The following HYAL4 variants were observed in gnomAD, a reference collection of about 807,000 sequenced individuals.
HYAL4 encodes hyaluronidase 4.
HYAL4 carries 37 observed loss-of-function variants against 35.2 expected under a neutral mutation model. That is an observed-to-expected ratio of 1.05 (90% CI 0.81 to 1.38). The LOEUF (loss-of-function observed/expected upper bound fraction) is 1.38, where lower values mean the gene tolerates loss of function less well. Ranked by LOEUF, HYAL4 falls within the 40% of genes most tolerant of loss-of-function variation. The pLI, the probability that HYAL4 is intolerant of heterozygous loss-of-function variation, is 0.00. For missense variants in HYAL4, 572 were observed against 572.4 expected, an observed-to-expected ratio of 1.00 and a Z score of 0.01; for synonymous variants, 198 against 203.2, an observed-to-expected ratio of 0.97 and a Z score of 0.22.
chr7:123,874,637 C>T (rs1169886239), intron 3 of HYAL4, 124 bp from the exon 4 acceptor site: 5 of 601,590 alleles, frequency 8.3e-6, no homozygotes, highest in South Asian at 2.0e-5. Context: ...AAACTCTTGA[C>T]CTCGTGATCT....
upstream of HYAL4, among the ~76,000 whole-genome samples, chr7:123,828,473 C>T (rs1057381992): frequency 6.4e-5 from 9 of 141,472 alleles, no homozygotes; most frequent in African/African-American, 1.3e-4. Context: ...CCTCTAAAAA[C>T]TTGGATGAGA....
At chr7:123,809,633 C>T in the HYAL4 span, among the ~76,000 whole-genome samples, 1 of 151,978 alleles carries the variant, frequency 6.6e-6, no homozygotes, top group Non-Finnish European at 1.5e-5. Flanking sequence ...TCCTGGCCTC[C>T]AGTGTTCTGC....
chr7:123,797,968 G>A, the HYAL4 span, among the ~76,000 whole-genome samples: 1 of 152,072 alleles, frequency 6.6e-6, no homozygotes, highest in Non-Finnish European at 1.5e-5. Flanking sequence ...CACAATTATA[G>A]ATTCCTCAAT....
chr7:123,805,994 G>A, the HYAL4 span, among the ~76,000 whole-genome samples: 40 of 151,736 alleles, frequency 2.6e-4, no homozygotes, highest in African/African-American at 8.2e-4. Flanking sequence ...GACTCCGTCC[G>A]AAAAAATAAA....
At chr7:123,782,521 T>TA in the HYAL4 span, among the ~76,000 whole-genome samples, 489 of 148,774 alleles carry the variant, frequency 3.3e-3, 3 homozygotes, top group African/African-American at 0.011. Flanking sequence ...AAAGTGTATT[T>TA]AAAAAAAAAA....
the HYAL4 span, among the ~76,000 whole-genome samples, chr7:123,770,638 GGAGCATTAGT>G: frequency 6.6e-6 from 1 of 152,012 alleles, no homozygotes; most frequent in South Asian, 2.1e-4. Flanking sequence ...TCTGCTCAGG[GGAGCATTAGT>G]CATGGAGAGG....
the HYAL4 span, among the ~76,000 whole-genome samples, chr7:123,773,987 T>C: frequency 6.6e-6 from 1 of 152,266 alleles, no homozygotes; most frequent in African/African-American, 2.4e-5. Flanking sequence ...GAGTGAGACA[T>C]GGTCTCGCAT....
At position 123,875,197 on chromosome 7, in the gene HYAL4, G is replaced by A. The variant is rs529002550; in HGVS notation, c.1044+347G>A. 2.0e-5 allele frequency among the ~76,000 whole-genome samples: 3 copies of A among 152,328 alleles called. No homozygotes were observed. The South Asian group carries it at 6.2e-4, about 32-fold the overall frequency. ...GGTTAATAACTATTTAGGATAGTTAGTGGTAGAGTTGGCATTAGCCACAGT... is the reference window on the plus strand; with the variant it reads ...GGTTAATAACTATTTAGGATAGTTAATGGTAGAGTTGGCATTAGCCACAGT... On this transcript the variant is annotated intron_variant, in intron 4 of 4. Coordinates refer to ENST00000223026, the MANE Select transcript of HYAL4 (RefSeq NM_012269.3).
chr7:123,866,751 C>G (rs182267113), intron 2 of HYAL4, among the ~76,000 whole-genome samples: 185 of 151,366 alleles, frequency 1.2e-3, no homozygotes, highest in Middle Eastern at 6.9e-3. Flanking sequence ...CTTCCCTCTT[C>G]TACTATCCAA....
chr7:123,854,133 C>T (rs1267737270), intron 2 of HYAL4, among the ~76,000 whole-genome samples: 3 of 152,070 alleles, frequency 2.0e-5, no homozygotes, highest in Non-Finnish European at 4.4e-5. Flanking sequence ...CTTTATTAGT[C>T]TGGCTAGCAG....
At chr7:123,860,867 A>C (rs1202247057) in intron 2 of HYAL4, among the ~76,000 whole-genome samples, 2 of 152,204 alleles carry the variant, frequency 1.3e-5, no homozygotes, top group Admixed American at 1.3e-4. Flanking sequence ...CACCTTGCTC[A>C]AATTTCTTAT....
chr7:123,804,967 C>T, the HYAL4 span, among the ~76,000 whole-genome samples: 1 of 152,174 alleles, frequency 6.6e-6, no homozygotes, highest in African/African-American at 2.4e-5. Context: ...GTGGGGTCTC[C>T]TAAGCAGGAT....
At chr7:123,773,332 CATTT>C in the HYAL4 span, among the ~76,000 whole-genome samples, 1 of 152,002 alleles carries the variant, frequency 6.6e-6, no homozygotes, top group Admixed American at 6.6e-5. Context: ...TTTACTGTTT[CATTT>C]ATTTAATACT....
Position 123,834,706 on chromosome 7 carries a change from G to A in HYAL4, c.-257+5582G>A, listed in dbSNP as rs149824808. On this transcript the variant is annotated intron_variant, in intron 1 of 4. Transcript: ENST00000489978. ...GCTTTTCCCCATTCAGTATTATGTT[G>A]GCTGTGGGTTTGTCATAGATAGCTT... Among the ~76,000 whole-genome samples the A allele has an allele frequency of 3.1e-3, 469 of 152,260 alleles. 2 individuals carry two copies. Among genetic ancestry groups the A allele is most frequent in the African/African-American group, 0.011 (441 of 41,560 alleles).
At chr7:123,787,132 AAG>A in the HYAL4 span, among the ~76,000 whole-genome samples, 2 of 149,396 alleles carry the variant, frequency 1.3e-5, no homozygotes, top group African/African-American at 2.4e-5. Flanking sequence ...AAAAAAGAAA[AAG>A]AAAAAAAAAG....
intron 4 of HYAL4, 91 bp from the exon 5 acceptor site, chr7:123,876,663 A>G: frequency 7.6e-7 from 1 of 1,310,232 alleles, no homozygotes; most frequent in Non-Finnish European, 1.1e-6. Context: ...CTCTAATTCT[A>G]TCAGTACCAG....
At chr7:123,804,257 C>G in the HYAL4 span, among the ~76,000 whole-genome samples, 1 of 152,094 alleles carries the variant, frequency 6.6e-6, no homozygotes, top group East Asian at 1.9e-4. Context: ...TGACTTTACC[C>G]ACCATTGGGG....
At chr7:123,799,744 A>G in the HYAL4 span, among the ~76,000 whole-genome samples, 2 of 152,048 alleles carry the variant, frequency 1.3e-5, no homozygotes, top group Non-Finnish European at 2.9e-5. Context: ...TGTTCTTTTT[A>G]TCAGATATGT....
intron 3 of HYAL4, among the ~76,000 whole-genome samples, chr7:123,870,918 G>A (rs1806863955): frequency 6.6e-6 from 1 of 151,936 alleles, no homozygotes; most frequent in Non-Finnish European, 1.5e-5. Flanking sequence ...ATTGACTTTT[G>A]GAAGAAACAA....
Sources: gnomAD v4.1 joint callset for allele counts (sites outside exome capture counted in the v4.1 genomes callset) on GRCh38, gnomAD v4.1.1 for gene constraint, MANE v1.5 for transcripts, NCBI Gene and HGNC (gene_info 2026-07-23, HGNC 2026-07-21) for gene names.